RAD51B: variants seen among roughly 807,000 people sequenced by gnomAD.
RAD51B encodes the protein DNA repair protein RAD51 homolog 2.
Under a neutral mutation model 42.2 loss-of-function variants are expected in RAD51B, and 38 were observed. The ratio of observed to expected loss-of-function variants is 0.90; its 90% confidence interval spans 0.70 to 1.18. The LOEUF (loss-of-function observed/expected upper bound fraction) is 1.18, where lower values mean the gene tolerates loss of function less well. Among genes scored for constraint, RAD51B ranks in the 50% most tolerant of loss-of-function variants. RAD51B has a pLI of 0.00. For missense variants in RAD51B, 373 were observed against 400.7 expected, an observed-to-expected ratio of 0.93 and a Z score of 0.59; for synonymous variants, 154 against 145.2, an observed-to-expected ratio of 1.06 and a Z score of -0.43.
chr14:68,053,019 A>G (rs935016899), intron 7 of RAD51B, among the ~76,000 whole-genome samples: 2 of 152,112 alleles, frequency 1.3e-5, no homozygotes, highest in Non-Finnish European at 2.9e-5. Context: ...AGGTAGCCAT[A>G]TTTATATTTA....
At chr14:68,247,714 G>A (rs1391863270) in intron 7 of RAD51B, among the ~76,000 whole-genome samples, 1 of 152,030 alleles carries the variant, frequency 6.6e-6, no homozygotes, top group Non-Finnish European at 1.5e-5. Context: ...TCTATTTGGG[G>A]GATTTTTTAT....
intron 7 of RAD51B, among the ~76,000 whole-genome samples, chr14:68,059,299 G>C (rs1356795150): frequency 2.0e-5 from 3 of 152,164 alleles, no homozygotes; most frequent in Non-Finnish European, 4.4e-5. Context: ...AAGTGCTGTA[G>C]TTATCTTCAC....
intron 7 of RAD51B, among the ~76,000 whole-genome samples, chr14:68,167,210 C>A (rs184310439): frequency 2.4e-4 from 37 of 152,092 alleles, no homozygotes; most frequent in African/African-American, 8.7e-4. Flanking sequence ...GTCTTGAATC[C>A]TCTTATGACC....
At chr14:68,399,704 C>G (rs2084038477) in intron 8 of RAD51B, among the ~76,000 whole-genome samples, 1 of 152,170 alleles carries the variant, frequency 6.6e-6, no homozygotes, top group African/African-American at 2.4e-5. Flanking sequence ...CTTTCATCCC[C>G]AAATACTTCA....
At position 68,235,703 on chromosome 14, in the gene RAD51B, C is replaced by CAAAA. The variant is rs57180468; in HGVS notation, c.757-56155_757-56152dup. Among the ~76,000 whole-genome samples the CAAAA allele has an allele frequency of 1.9e-3, 27 of 14,062 alleles. 3 individuals are homozygous for CAAAA. Among genetic ancestry groups the CAAAA allele is most frequent in the African/African-American group, 3.2e-3 (20 of 6,284 alleles). 9.2% of individuals were successfully genotyped at this position (14,062 alleles called of 152,430 possible). A position where few individuals can be genotyped will look rare whatever the true frequency, so the allele number is the denominator to read the frequency against. Reference sequence around the variant, plus strand: ...TGGGCGACAGAGCGAGACTCCGTCTCAAAAAAAAAAAAAAAAAAAAAAAAA... The same window carrying CAAAA: ...TGGGCGACAGAGCGAGACTCCGTCTCAAAAAAAAAAAAAAAAAAAAAAAAAAAAA... On this transcript the variant is annotated intron_variant, in intron 7 of 10. Coordinates refer to ENST00000471583, the MANE Select transcript of RAD51B (RefSeq NM_133510.4).
intron 7 of RAD51B, among the ~76,000 whole-genome samples, chr14:67,944,248 A>G (rs2045312171): frequency 1.3e-5 from 2 of 149,434 alleles, no homozygotes; most frequent in Admixed American, 6.7e-5. Context: ...TAATTTTAGG[A>G]AAACTAAATC....
intron 10 of RAD51B, among the ~76,000 whole-genome samples, chr14:68,518,522 C>G (rs530537871): frequency 3.3e-5 from 5 of 152,186 alleles, no homozygotes; most frequent in African/African-American, 1.2e-4. Context: ...AAAGGGGAAG[C>G]CTTAAGCCGA....
At chr14:68,629,256 T>C (rs992124369) in intron 10 of RAD51B, among the ~76,000 whole-genome samples, 13 of 152,214 alleles carry the variant, frequency 8.5e-5, no homozygotes, top group Non-Finnish European at 1.8e-4. Flanking sequence ...CTGGCATTCA[T>C]TGGGACTACC....
intron 7 of RAD51B, among the ~76,000 whole-genome samples, chr14:68,045,909 G>GT (rs1319868736): frequency 6.6e-6 from 1 of 151,340 alleles, no homozygotes; most frequent in Non-Finnish European, 1.5e-5. Context: ...AAATATTTGA[G>GT]TTTTTTCCTC....
chr14:68,388,076 G>A (rs151269972), intron 8 of RAD51B, among the ~76,000 whole-genome samples: 4,544 of 96,500 alleles, frequency 0.047, 179 homozygotes, highest in African/African-American at 0.1. Flanking sequence ...GTGTGTGTGT[G>A]TGTATATATA....
rs571508151 is a variant in RAD51B, at chr14:68,563,517, G to A, written c.1037-30968G>A. 1.3e-5 allele frequency: 13 copies of A among 985,462 alleles called. No homozygotes were observed. In the East Asian group the frequency reaches 1.4e-3, roughly 103 times the overall value. 61.0% of individuals were successfully genotyped at this position (985,462 alleles called of 1,614,324 possible). A position where few individuals can be genotyped will look rare whatever the true frequency, so the allele number is the denominator to read the frequency against. ...AAGAAAAGAAAACATTCTTCCATAA[G>A]TAGCTGCCTTGTTAATTCATTTTTT... On this transcript the variant is annotated intron_variant, in intron 10 of 10. Coordinates refer to the RAD51B transcript ENST00000487270.
At chr14:68,273,641 G>A (rs372125219) in intron 7 of RAD51B, among the ~76,000 whole-genome samples, 97 of 152,264 alleles carry the variant, frequency 6.4e-4, no homozygotes, top group Middle Eastern at 3.4e-3. Flanking sequence ...GGCACACAGG[G>A]CTTCCTGGCA....
intron 8 of RAD51B, 130 bp downstream of exon 8, chr14:68,292,110 G>A: frequency 1.2e-6 from 1 of 804,084 alleles, no homozygotes; most frequent in Middle Eastern, 3.5e-4. Context: ...GGAGCCTGTT[G>A]ATTTAGGTTT....
intron 10 of RAD51B, among the ~76,000 whole-genome samples, chr14:68,648,139 A>G (rs1349908296): frequency 2.5e-5 from 3 of 120,868 alleles, no homozygotes; most frequent in South Asian, 2.5e-4. Context: ...ACACGTATAT[A>G]TATATATACA....
intron 7 of RAD51B, among the ~76,000 whole-genome samples, chr14:68,273,720 C>G (rs1213836860): frequency 2.0e-5 from 3 of 152,052 alleles, no homozygotes; most frequent in Non-Finnish European, 4.4e-5. Context: ...TGCTCTCACT[C>G]TGTCATACAG....
At chr14:68,468,913 C>G (rs34581221) in intron 10 of RAD51B, among the ~76,000 whole-genome samples, 1 of 152,190 alleles carries the variant, frequency 6.6e-6, no homozygotes, top group African/African-American at 2.4e-5. Context: ...ATGCTAGATA[C>G]GCCAGTGGTT....
chr14:68,535,999 T>C (rs554299921), intron 10 of RAD51B, among the ~76,000 whole-genome samples: 14 of 152,130 alleles, frequency 9.2e-5, no homozygotes, highest in African/African-American at 3.4e-4. Flanking sequence ...TCCCACAGGA[T>C]TGAGGGAAGG....
intron 7 of RAD51B, among the ~76,000 whole-genome samples, chr14:67,923,298 CTTTTT>C (rs34809964): frequency 8.2e-4 from 102 of 123,660 alleles, no homozygotes; most frequent in African/African-American, 1.8e-3. Context: ...TTTTCTTTTT[CTTTTT>C]TTTTTTTTTT....
intron 8 of RAD51B, among the ~76,000 whole-genome samples, chr14:68,315,954 C>T (rs922521920): frequency 6.6e-5 from 10 of 152,180 alleles, no homozygotes; most frequent in Non-Finnish European, 1.3e-4. Flanking sequence ...CAGCATTGCT[C>T]TTTTCGTAGT....
Sources: gnomAD v4.1 joint callset for allele counts (sites outside exome capture counted in the v4.1 genomes callset) on GRCh38, gnomAD v4.1.1 for gene constraint, MANE v1.5 for transcripts, NCBI Gene and HGNC (gene_info 2026-07-23, HGNC 2026-07-21) for gene names.